Variants in ZNF682 observed in about 807,000 individuals in gnomAD.
ZNF682 encodes the protein zinc finger protein 682.
ZNF682 carries 29 observed loss-of-function variants against 36.5 expected under a neutral mutation model. The observed-to-expected ratio is 0.80, with a 90% CI of 0.59 to 1.08. The LOEUF (loss-of-function observed/expected upper bound fraction) is 1.08. Among genes scored for constraint, ZNF682 ranks in the 50% least tolerant of loss-of-function variants. The pLI, the probability that ZNF682 is intolerant of heterozygous loss-of-function variation, is 0.00. For missense variants in ZNF682, 561 were observed against 579.7 expected (o/e 0.97, Z 0.33); for synonymous variants, 180 against 197.0 (o/e 0.91, Z 0.72).
At chr19:20,014,314 T>A (rs2088315065) in intron 3 of ZNF682, among the ~76,000 whole-genome samples, 1 of 152,190 alleles carries the variant, frequency 6.6e-6, no homozygotes, top group Admixed American at 6.5e-5. Context: ...GCACAGATAT[T>A]ATCTTTCATG....
chr19:20,003,060 G>A (rs950592376), downstream of ZNF682, among the ~76,000 whole-genome samples: 3 of 151,128 alleles, frequency 2.0e-5, no homozygotes, highest in East Asian at 2.0e-4. Flanking sequence ...GCGTGGTGGT[G>A]GGCGCCTGTA....
intron 1 of ZNF682, 79 bp from the exon 2 acceptor site, chr19:20,024,455 G>T: frequency 1.4e-6 from 2 of 1,480,656 alleles, no homozygotes; most frequent in Non-Finnish European, 1.8e-6. Flanking sequence ...GAGAATTGCT[G>T]TGACTTATGA....
chr19:20,026,289 C>T (rs541266239), intron 1 of ZNF682, among the ~76,000 whole-genome samples: 13 of 137,338 alleles, frequency 9.5e-5, no homozygotes, highest in East Asian at 8.2e-4. Context: ...GGCGACAGAG[C>T]GAGGCTCCGT....
intron 3 of ZNF682, among the ~76,000 whole-genome samples, chr19:20,009,011 G>T (rs1275942610): frequency 6.6e-6 from 1 of 151,368 alleles, no homozygotes; most frequent in East Asian, 1.9e-4. Context: ...AAACCCTCAA[G>T]GAAAAAAAGA....
At chr19:20,024,517 G>T in intron 1 of ZNF682, 141 bp from the exon 2 acceptor site, 1 of 1,034,132 alleles carries the variant, frequency 9.7e-7, no homozygotes, top group Non-Finnish European at 1.4e-6. Flanking sequence ...ATTCTCTGAT[G>T]TATTCTCTAA....
chr19:20,016,062 G>A (rs183977327), intron 3 of ZNF682, among the ~76,000 whole-genome samples: 1 of 152,306 alleles, frequency 6.6e-6, no homozygotes, highest in African/African-American at 2.4e-5. Flanking sequence ...TGTAACCCTA[G>A]CACTTTGGGA....
At chr19:20,036,244 A>C (rs892299943) in intron 1 of ZNF682, among the ~76,000 whole-genome samples, 5 of 152,260 alleles carry the variant, frequency 3.3e-5, no homozygotes, top group African/African-American at 7.2e-5. Context: ...TATCGTTTTT[A>C]TCTCTCCAGA....
intron 1 of ZNF682, among the ~76,000 whole-genome samples, chr19:20,026,608 G>A (rs1011204310): frequency 1.8e-4 from 27 of 152,204 alleles, no homozygotes; most frequent in African/African-American, 6.5e-4. Flanking sequence ...TGGACCACAG[G>A]CACGTGCCAC....
intron 1 of ZNF682, chr19:20,033,533 G>C (rs557668624): frequency 6.6e-6 from 1 of 152,480 alleles, no homozygotes; most frequent in East Asian, 1.9e-4. Flanking sequence ...AAATGAAAGT[G>C]GTGTTCCAGC....
rs2335886 is a variant in ZNF682, at chr19:20,012,641, G to A, written c.227-5366C>T. Among the ~76,000 whole-genome samples, 441 of 151,846 alleles carry A rather than the reference G, an allele frequency of 2.9e-3. 4 individuals carry two copies. The highest frequency in any genetic ancestry group is 0.01 in the African/African-American group (424 of 41,410). ...AAATTAGTGGGGCATGGTGGCGGGC[G>A]CCTGTAGTCTCAGCTGCTCGGGAGG... On this transcript the variant is annotated intron_variant, in intron 3 of 3. Coordinates refer to ENST00000397165, the MANE Select transcript of ZNF682 (RefSeq NM_033196.3).
intron 1 of ZNF682, among the ~76,000 whole-genome samples, chr19:20,029,569 C>T (rs1414630441): frequency 6.7e-6 from 1 of 148,236 alleles, no homozygotes; most frequent in South Asian, 2.1e-4. Context: ...CCACTGCACT[C>T]CAGCCTGGGT....
At chr19:20,022,916 G>C (rs971981469) in intron 3 of ZNF682, 88 bp downstream of exon 3, 3 of 1,103,286 alleles carry the variant, frequency 2.7e-6, no homozygotes, top group Non-Finnish European at 2.7e-6. Flanking sequence ...CATTGGAGCA[G>C]AGCTTCTCAA....
intron 3 of ZNF682, among the ~76,000 whole-genome samples, chr19:20,011,488 A>G (rs2088287730): frequency 6.6e-6 from 1 of 152,228 alleles, no homozygotes; most frequent in South Asian, 2.1e-4. Flanking sequence ...TAATTCATCT[A>G]ATGAAGACAC....
At chr19:20,017,192 C>T (rs2088341605) in intron 3 of ZNF682, among the ~76,000 whole-genome samples, 1 of 152,074 alleles carries the variant, frequency 6.6e-6, no homozygotes, top group South Asian at 2.1e-4. Context: ...TAATCGAAAA[C>T]AAAACGCAAC....
At chr19:20,012,457 T>C (rs1003077994) in intron 3 of ZNF682, among the ~76,000 whole-genome samples, 1 of 152,128 alleles carries the variant, frequency 6.6e-6, no homozygotes, top group African/African-American at 2.4e-5. Context: ...AAGGAACTAA[T>C]GTTCACAATC....
intron 1 of ZNF682, among the ~76,000 whole-genome samples, chr19:20,037,745 T>C (rs1336533516): frequency 6.6e-6 from 1 of 152,206 alleles, no homozygotes; most frequent in Admixed American, 6.5e-5. Context: ...GGATATTTTT[T>C]TTCTCTCTTC....
At chr19:20,014,030 T>C (rs1451165814) in intron 3 of ZNF682, among the ~76,000 whole-genome samples, 1 of 152,240 alleles carries the variant, frequency 6.6e-6, no homozygotes, top group Non-Finnish European at 1.5e-5. Flanking sequence ...GAAGAATTAA[T>C]ACTGTACAAC....
chr19:20,030,963 A>G (rs2088474590), intron 1 of ZNF682: 1 of 152,254 alleles, frequency 6.6e-6, no homozygotes, highest in African/African-American at 2.4e-5. Context: ...CTTAGATGGT[A>G]GCAGAATTAG....
At chr19:19,997,007 A>G (rs528637119), downstream of ZNF682, 12 of 377,012 alleles carry the variant, frequency 3.2e-5, no homozygotes, top group African/African-American at 2.5e-4. Flanking sequence ...AACACTTCTC[A>G]GGGAAAGATC....
Sources: gnomAD v4.1 joint callset for allele counts (sites outside exome capture counted in the v4.1 genomes callset) on GRCh38, gnomAD v4.1.1 for gene constraint, MANE v1.5 for transcripts, NCBI Gene and HGNC (gene_info 2026-07-23, HGNC 2026-07-21) for gene names.